KLHL1: variants seen among roughly 807,000 people sequenced by gnomAD.
KLHL1 encodes kelch like family member 1.
A neutral mutation model predicts 77.7 loss-of-function variants in KLHL1; 47 were observed. That is an observed-to-expected ratio of 0.60 (90% confidence interval 0.48 to 0.77). KLHL1 has a LOEUF of 0.77. KLHL1 is among the 30% of genes least tolerant of loss of function. The probability of loss-of-function intolerance (pLI) is 0.00; values close to 1 mark genes in which losing one functional copy is unlikely to be tolerated. For synonymous variants in KLHL1, 360 were observed against 325.2 expected (o/e 1.11, Z -1.15); for missense variants, 925 against 910.8 (o/e 1.02, Z -0.20).
At chr13:70,075,401 T>C (rs532278570) in intron 1 of KLHL1, among the ~76,000 whole-genome samples, 1 of 151,150 alleles carries the variant, frequency 6.6e-6, no homozygotes, top group South Asian at 2.1e-4. Flanking sequence ...TGCTCACAGA[T>C]AACATAATTT....
intron 5 of KLHL1, among the ~76,000 whole-genome samples, chr13:69,856,404 A>G (rs1424311): frequency 0.072 from 10,970 of 152,004 alleles, 725 homozygotes; most frequent in African/African-American, 0.17. Context: ...TGCTACTACT[A>G]TTGCCATGAA....
intron 1 of KLHL1, among the ~76,000 whole-genome samples, chr13:70,073,426 G>A (rs2137420605): frequency 6.6e-6 from 1 of 152,210 alleles, no homozygotes; most frequent in Non-Finnish European, 1.5e-5. Flanking sequence ...GGGGAGGGAG[G>A]AGGGATAGCA....
At chr13:69,942,558 A>AT (rs1185121573) in intron 3 of KLHL1, among the ~76,000 whole-genome samples, 1 of 152,032 alleles carries the variant, frequency 6.6e-6, no homozygotes, top group Non-Finnish European at 1.5e-5. Context: ...CATAATAACT[A>AT]TTTTTTCCAT....
intron 1 of KLHL1, among the ~76,000 whole-genome samples, chr13:70,014,215 G>A (rs890544512): frequency 1.3e-5 from 2 of 152,018 alleles, no homozygotes; most frequent in Admixed American, 1.3e-4. Flanking sequence ...AGAAAAATGA[G>A]CTGAAATGAA....
At chr13:70,000,099 C>CT (rs1885250633) in intron 1 of KLHL1, among the ~76,000 whole-genome samples, 1 of 151,948 alleles carries the variant, frequency 6.6e-6, no homozygotes, top group African/African-American at 2.4e-5. Flanking sequence ...ACCTCTTTCT[C>CT]TGTCTCCTGC....
At chr13:70,016,926 C>T (rs1885673624) in intron 1 of KLHL1, among the ~76,000 whole-genome samples, 1 of 152,144 alleles carries the variant, frequency 6.6e-6, no homozygotes, top group Admixed American at 6.5e-5. Context: ...CTCAGCTGGA[C>T]TCACACAGAC....
At chr13:69,896,400 T>C (rs1406866083) in intron 4 of KLHL1, among the ~76,000 whole-genome samples, 1 of 152,198 alleles carries the variant, frequency 6.6e-6, no homozygotes, top group Non-Finnish European at 1.5e-5. Flanking sequence ...TACACAGTAA[T>C]AGCTAGATAA....
intron 2 of KLHL1, among the ~76,000 whole-genome samples, chr13:69,966,600 T>A (rs1204221473): frequency 6.6e-6 from 1 of 152,128 alleles, no homozygotes; most frequent in Non-Finnish European, 1.5e-5. Context: ...ATATTTCATT[T>A]CTTTTCTTTT....
Position 70,054,586 on chromosome 13 carries a change from C to A in KLHL1, c.497+52617G>T, listed in dbSNP as rs73214623. On this transcript the variant is annotated intron_variant, in intron 1 of 10. Coordinates refer to ENST00000377844, the MANE Select transcript of KLHL1 (RefSeq NM_020866.3). ...TGGGTTCACAAGTATGAGTGACCAACCCCCAAGTGACATAAATATGTAACC... is the reference window on the plus strand; with the variant it reads ...TGGGTTCACAAGTATGAGTGACCAAACCCCAAGTGACATAAATATGTAACC... 8.5e-3 allele frequency among the ~76,000 whole-genome samples: 1,297 copies of A among 151,816 alleles called. 24 individuals are homozygous for A. Among genetic ancestry groups the A allele is most frequent in the Non-Finnish European group, 8.9e-3 (602 of 67,892 alleles).
intron 1 of KLHL1, among the ~76,000 whole-genome samples, chr13:69,989,801 A>T (rs1313772100): frequency 3.3e-5 from 5 of 151,848 alleles, no homozygotes. Flanking sequence ...TGATTTTTGT[A>T]TATTGATTTT....
At chr13:69,826,674 T>C (rs1034937774) in intron 6 of KLHL1, among the ~76,000 whole-genome samples, 6 of 152,298 alleles carry the variant, frequency 3.9e-5, no homozygotes, top group Admixed American at 3.9e-4. Context: ...ATTATCTTGA[T>C]TGAGCCATTC....
At chr13:70,038,092 C>G (rs1886282435) in intron 1 of KLHL1, among the ~76,000 whole-genome samples, 1 of 152,162 alleles carries the variant, frequency 6.6e-6, no homozygotes, top group African/African-American at 2.4e-5. Flanking sequence ...TTGACAAACA[C>G]TAACTTGTTT....
At chr13:69,860,142 A>G (rs1032358132) in intron 5 of KLHL1, among the ~76,000 whole-genome samples, 3 of 152,226 alleles carry the variant, frequency 2.0e-5, no homozygotes, top group South Asian at 2.1e-4. Context: ...AGCCACAAAT[A>G]TTACACAAAA....
At chr13:69,811,684 T>TTATCTCTC (rs1877887690) in intron 6 of KLHL1, among the ~76,000 whole-genome samples, 1 of 152,140 alleles carries the variant, frequency 6.6e-6, no homozygotes, top group Non-Finnish European at 1.5e-5. Context: ...AAAAGTCATG[T>TTATCTCTC]TATCTCTCTT....
At chr13:69,959,667 T>C (rs962041887) in intron 3 of KLHL1, among the ~76,000 whole-genome samples, 28 of 104,000 alleles carry the variant, frequency 2.7e-4, no homozygotes, top group African/African-American at 9.1e-4. Context: ...ACTTTTTTTT[T>C]TCCCCCCAAA....
intron 4 of KLHL1, among the ~76,000 whole-genome samples, chr13:69,913,344 A>G (rs1255473956): frequency 6.6e-6 from 1 of 152,146 alleles, no homozygotes; most frequent in Non-Finnish European, 1.5e-5. Flanking sequence ...CAAGCTTGCC[A>G]GCATCTCCCA....
chr13:69,978,740 G>A (rs930704729), intron 1 of KLHL1, among the ~76,000 whole-genome samples: 6 of 152,114 alleles, frequency 3.9e-5, no homozygotes, highest in Non-Finnish European at 5.9e-5. Context: ...GCCCGCCTTG[G>A]CCCCCCAAAG....
intron 3 of KLHL1, among the ~76,000 whole-genome samples, chr13:69,959,861 T>G (rs1038356407): frequency 2.6e-5 from 4 of 151,936 alleles, no homozygotes; most frequent in Admixed American, 6.6e-5. Context: ...AAACACAGAT[T>G]GGCCTGTGCT....
intron 1 of KLHL1, among the ~76,000 whole-genome samples, chr13:70,048,594 G>A (rs1028421789): frequency 2.0e-5 from 3 of 152,146 alleles, no homozygotes; most frequent in East Asian, 1.9e-4. Context: ...GTAGAGAAGC[G>A]GGGGCGGTTT....
Sources: gnomAD v4.1 joint callset for allele counts (sites outside exome capture counted in the v4.1 genomes callset) on GRCh38, gnomAD v4.1.1 for gene constraint, MANE v1.5 for transcripts, NCBI Gene and HGNC (gene_info 2026-07-23, HGNC 2026-07-21) for gene names.